The following LTF variants were observed in gnomAD, a reference collection of about 807,000 sequenced individuals.
LTF encodes epididymis luminal protein 110.
A neutral mutation model predicts 87.2 loss-of-function variants in LTF; 91 were observed. The observed-to-expected ratio is 1.04, with a 90% CI of 0.88 to 1.24. The LOEUF (loss-of-function observed/expected upper bound fraction) is 1.24, where lower values mean the gene tolerates loss of function less well. Ranked by LOEUF, LTF falls within the 50% of genes most tolerant of loss-of-function variation. The pLI, the probability that LTF is intolerant of heterozygous loss-of-function variation, is 0.00. For missense variants in LTF, 901 were observed against 904.3 expected, an observed-to-expected ratio of 1.00 and a Z score of 0.05; for synonymous variants, 378 against 356.1, an observed-to-expected ratio of 1.06 and a Z score of -0.69.
chr3:46,439,235 T>G, intron 15 of LTF, 61 bp downstream of exon 15: 2 of 1,486,264 alleles, frequency 1.3e-6, no homozygotes. Context: ...AGCTCTGTGA[T>G]CTCCTCACCT....
At chr3:46,471,613 T>TA (rs1025433068) in intron 1 of LTF, among the ~76,000 whole-genome samples, 2 of 152,128 alleles carry the variant, frequency 1.3e-5, no homozygotes, top group African/African-American at 4.8e-5. Context: ...AAGCCCTGCA[T>TA]AAAGGTACAC....
intron 1 of LTF, among the ~76,000 whole-genome samples, chr3:46,482,723 A>AAAGG (rs201712553): frequency 0.15 from 16,576 of 111,660 alleles, 2,195 homozygotes; most frequent in African/African-American, 0.23. Flanking sequence ...AAAGAGAAAG[A>AAAGG]AAGGAAGGAA....
intron 1 of LTF, among the ~76,000 whole-genome samples, chr3:46,473,972 C>T (rs1703325743): frequency 1.3e-5 from 2 of 151,960 alleles, no homozygotes; most frequent in South Asian, 2.1e-4. Flanking sequence ...GATATATACT[C>T]AAAGTTACTA....
intron 1 of LTF, among the ~76,000 whole-genome samples, chr3:46,482,556 AAGGG>A (rs1559614555): frequency 0.014 from 1,541 of 108,500 alleles, 216 homozygotes; most frequent in South Asian, 0.046. Context: ...AAGGGAAGGG[AAGGG>A]AAGGGAAGGG....
intron 1 of LTF, among the ~76,000 whole-genome samples, chr3:46,473,910 T>C (rs1703324794): frequency 1.3e-5 from 2 of 152,232 alleles, no homozygotes; most frequent in Admixed American, 6.5e-5. Flanking sequence ...CTGTGATAAA[T>C]CATGTGTGTA....
At chr3:46,462,300 A>G (rs951826720) in intron 1 of LTF, among the ~76,000 whole-genome samples, 2 of 152,198 alleles carry the variant, frequency 1.3e-5, no homozygotes, top group African/African-American at 2.4e-5. Flanking sequence ...GTGTTAAAAG[A>G]GAACAAATAC....
At chr3:46,470,585 C>T (rs1423440420) in intron 1 of LTF, 1 of 152,284 alleles carries the variant, frequency 6.6e-6, no homozygotes, top group South Asian at 2.1e-4. Flanking sequence ...ATCCCCAGCT[C>T]TTCCAGGCTA....
rs969175425 is a variant in LTF, at chr3:46,437,224, A to C, written c.2098+716T>G. On this transcript the variant is annotated intron_variant, in intron 16 of 16. Transcript: ENST00000231751. ...TTTAAGGGATTAAATTAATATCAAC[A>C]TATTTCCCTGGTTAAGATGTGTTTT... 2.0e-5 allele frequency among the ~76,000 whole-genome samples: 3 copies of C among 151,858 alleles called. No homozygotes were observed. In the South Asian group the frequency reaches 6.2e-4, roughly 32 times the overall value.
At chr3:46,443,094 G>C (rs1257383848) in intron 13 of LTF, among the ~76,000 whole-genome samples, 1 of 152,254 alleles carries the variant, frequency 6.6e-6, no homozygotes, top group African/African-American at 2.4e-5. Context: ...CGATGGGAAA[G>C]AGAATTCTTC....
chr3:46,456,522 T>C (rs76682385), intron 2 of LTF, 124 bp from the exon 3 acceptor site: 1 of 671,878 alleles, frequency 1.5e-6, no homozygotes, highest in East Asian at 2.8e-5. Flanking sequence ...CTTTCCATCC[T>C]GTCCCCTCAC....
chr3:46,478,707 A>C (rs1703394817), intron 1 of LTF, among the ~76,000 whole-genome samples: 1 of 152,212 alleles, frequency 6.6e-6, no homozygotes, highest in Non-Finnish European at 1.5e-5. Flanking sequence ...GCAGAACCTG[A>C]TGGCTATTTG....
rs1272247985 is a variant in LTF at position 46,439,370 on chromosome 3, TG to T, written c.1833del (p.Met612TrpfsTer17). 1 of 1,614,224 alleles carries T rather than the reference TG, an allele frequency of 6.2e-7. No homozygotes were observed. Among genetic ancestry groups the T allele is most frequent in the South Asian group, 1.1e-5 (1 of 91,088 alleles). On this transcript the variant is annotated frameshift_variant, in exon 15 of 17. Transcript: ENST00000231751. LOFTEE classifies it high-confidence loss of function. ...PVTEARSCHLAMAPNHAVVSR... is the reference protein window; with the variant it reads ...PVTEARSCHLXMAPNHAVVSR... The stretch of plus-strand genomic sequence containing the variant: ...GACACCACGGCATGATTCGGGGCCA[TG>T]GCAAGATGGCAGCTTCTAGCCTCAG...
At chr3:46,468,258 A>T (rs1047488272), upstream of LTF, 3 of 456,640 alleles carry the variant, frequency 6.6e-6, no homozygotes, top group Admixed American at 4.7e-5. Flanking sequence ...TTACCCATTC[A>T]TTCAACACTG....
At chr3:46,468,723 C>T (rs768319442), upstream of LTF, among the ~76,000 whole-genome samples, 5 of 152,338 alleles carry the variant, frequency 3.3e-5, no homozygotes, top group Admixed American at 1.3e-4. Flanking sequence ...CATCAACTCA[C>T]GCTTGGACAA....
intron 1 of LTF, among the ~76,000 whole-genome samples, chr3:46,477,957 C>A (rs939913190): frequency 6.6e-6 from 1 of 152,106 alleles, no homozygotes; most frequent in South Asian, 2.1e-4. Context: ...GACAGAGGGC[C>A]GAGCGGGAGC....
intron 1 of LTF, among the ~76,000 whole-genome samples, chr3:46,472,256 C>T (rs1371340058): frequency 6.6e-6 from 1 of 151,886 alleles, no homozygotes; most frequent in Non-Finnish European, 1.5e-5. Context: ...ATTACACCCT[C>T]CCAAGGCCAT....
intron 16 of LTF, 26 bp downstream of exon 16, chr3:46,437,914 G>T: frequency 6.2e-7 from 1 of 1,601,976 alleles, no homozygotes; most frequent in Non-Finnish European, 8.5e-7. Context: ...GTGGTTTCTC[G>T]GGGATGCTAG....
At chr3:46,477,946 G>A (rs1000716652) in intron 1 of LTF, among the ~76,000 whole-genome samples, 1 of 152,142 alleles carries the variant, frequency 6.6e-6, no homozygotes, top group Admixed American at 6.6e-5. Context: ...CCTACAGGGA[G>A]GACAGAGGGC....
intron 8 of LTF, among the ~76,000 whole-genome samples, chr3:46,449,511 A>G (rs1242316876): frequency 1.3e-5 from 2 of 152,064 alleles, no homozygotes; most frequent in Non-Finnish European, 1.5e-5. Context: ...GTCCCCAACT[A>G]AGTTCAAGGT....
Sources: gnomAD v4.1 joint callset for allele counts (sites outside exome capture counted in the v4.1 genomes callset) on GRCh38, gnomAD v4.1.1 for gene constraint, MANE v1.5 for transcripts, NCBI Gene and HGNC (gene_info 2026-07-23, HGNC 2026-07-21) for gene names.